PLXNA4: variants seen among roughly 807,000 people sequenced by gnomAD.
PLXNA4 encodes plexin A4, also known as plexin-A4.
In PLXNA4, 44 loss-of-function variants were observed where a neutral mutation model predicts 191.8. That is an observed-to-expected ratio of 0.23 (90% CI 0.18 to 0.29). The LOEUF (loss-of-function observed/expected upper bound fraction) is 0.29, where lower values mean the gene tolerates loss of function less well. PLXNA4 is among the 10% of genes least tolerant of loss of function. PLXNA4 has a pLI of 1.00. For missense variants in PLXNA4, 1,800 were observed against 2,488.8 expected (o/e 0.72, Z 5.89); for synonymous variants, 1,082 against 1,009.5 (o/e 1.07, Z -1.36).
intron 3 of PLXNA4, among the ~76,000 whole-genome samples, chr7:132,440,189 G>A (rs1276055721): frequency 6.6e-6 from 1 of 152,128 alleles, no homozygotes; most frequent in African/African-American, 2.4e-5. Context: ...AGGGAGCCTT[G>A]GTTTACCCTC....
intron 8 of PLXNA4, among the ~76,000 whole-genome samples, chr7:132,223,966 A>G (rs1377749624): frequency 6.6e-6 from 1 of 152,162 alleles, no homozygotes; most frequent in African/African-American, 2.4e-5. Flanking sequence ...GCTTGTGTAG[A>G]CAGACCTAAG....
At chr7:132,407,922 C>T (rs1165254741) in intron 3 of PLXNA4, among the ~76,000 whole-genome samples, 1 of 151,994 alleles carries the variant, frequency 6.6e-6, no homozygotes, top group Non-Finnish European at 1.5e-5. Flanking sequence ...TGGAACAATA[C>T]TTTTGGAAAA....
At chr7:132,646,148 T>C (rs1326888179) in intron 1 of PLXNA4, 1 of 152,482 alleles carries the variant, frequency 6.6e-6, no homozygotes, top group Non-Finnish European at 1.5e-5. Context: ...TCACCTCCTT[T>C]CATCAGGCCA....
intron 20 of PLXNA4, among the ~76,000 whole-genome samples, chr7:132,177,177 G>C (rs999169795): frequency 1.2e-4 from 17 of 143,690 alleles, no homozygotes; most frequent in African/African-American, 3.7e-4. Flanking sequence ...ACGAGTGAGT[G>C]TATGTGAGTG....
chr7:132,429,131 T>C (rs277475), intron 3 of PLXNA4, among the ~76,000 whole-genome samples: 4,386 of 152,212 alleles, frequency 0.029, 127 homozygotes, highest in African/African-American at 0.083. Flanking sequence ...TTCAAGATCA[T>C]GCAGCCCAAA....
intron 4 of PLXNA4, among the ~76,000 whole-genome samples, chr7:132,247,419 G>T (rs1799097995): frequency 6.6e-6 from 1 of 152,152 alleles, no homozygotes; most frequent in African/African-American, 2.4e-5. Flanking sequence ...AAGAAAAAAA[G>T]AGGCAAGATG....
At chr7:132,146,425 C>T in intron 28 of PLXNA4, 85 bp downstream of exon 28, 1 of 1,610,018 alleles carries the variant, frequency 6.2e-7, no homozygotes, top group Non-Finnish European at 8.5e-7. Flanking sequence ...ATGCTGGGTA[C>T]TGGCTACTCT....
chr7:132,384,698 C>G, intron 3 of PLXNA4: 1 of 1,008,006 alleles, frequency 9.9e-7, no homozygotes, highest in Non-Finnish European at 1.2e-6. Context: ...TGGGCTCCAT[C>G]CTCTCTGCCC....
intron 3 of PLXNA4, among the ~76,000 whole-genome samples, chr7:132,305,006 C>T (rs911368119): frequency 3.3e-5 from 5 of 152,210 alleles, no homozygotes; most frequent in African/African-American, 1.2e-4. Flanking sequence ...TCTTCCCACA[C>T]TCTGGGCAAA....
chr7:132,575,379 G>C lies in PLXNA4; in HGVS notation c.-87+1043C>G, dbSNP rs375031820. Among the ~76,000 whole-genome samples the C allele has an allele frequency of 4.3e-4, 66 of 152,340 alleles. No homozygotes were observed. In the South Asian group the frequency reaches 5.2e-3, roughly 12 times the overall value. On this transcript the variant is annotated intron_variant, in intron 1 of 31. Transcript: ENST00000321063. Reference sequence around the variant, plus strand: ...GCTTGGGCTCTGGGGGACGCTGGCAGACCCACGAATGCCTTGCCTTCTCCG... The same window carrying C: ...GCTTGGGCTCTGGGGGACGCTGGCACACCCACGAATGCCTTGCCTTCTCCG...
chr7:132,520,847 T>A (rs1799145217), intron 1 of PLXNA4, among the ~76,000 whole-genome samples: 1 of 152,024 alleles, frequency 6.6e-6, no homozygotes, highest in Admixed American at 6.5e-5. Flanking sequence ...AAGCCCATAA[T>A]CCCACCAAAC....
intron 3 of PLXNA4, among the ~76,000 whole-genome samples, chr7:132,438,645 G>A (rs1244141999): frequency 1.3e-5 from 2 of 152,178 alleles, no homozygotes; most frequent in African/African-American, 4.8e-5. Flanking sequence ...GACTATGGGA[G>A]TATTCTATTT....
At chr7:132,456,592 A>T (rs1796324069) in intron 3 of PLXNA4, among the ~76,000 whole-genome samples, 1 of 152,134 alleles carries the variant, frequency 6.6e-6, no homozygotes, top group Non-Finnish European at 1.5e-5. Context: ...AACCATGCCC[A>T]GATAAGTGTG....
At chr7:132,266,655 C>T (rs978890715) in intron 4 of PLXNA4, among the ~76,000 whole-genome samples, 1 of 152,168 alleles carries the variant, frequency 6.6e-6, no homozygotes, top group Non-Finnish European at 1.5e-5. Flanking sequence ...GAGTCACCTG[C>T]CCACAGAGGT....
chr7:132,560,020 G>GCCAA (rs1800968865), intron 1 of PLXNA4, among the ~76,000 whole-genome samples: 1 of 152,176 alleles, frequency 6.6e-6, no homozygotes. Flanking sequence ...CCTGGACCAA[G>GCCAA]CCAACCCTAT....
chr7:132,562,026 TCC>T (rs1278238409), intron 1 of PLXNA4, among the ~76,000 whole-genome samples: 76 of 96,722 alleles, frequency 7.9e-4, no homozygotes, highest in Admixed American at 4.1e-3. Context: ...CTCCTCCTCC[TCC>T]TTCTCCTCCT....
intron 1 of PLXNA4, among the ~76,000 whole-genome samples, chr7:132,575,772 C>T (rs897721916): frequency 1.3e-5 from 2 of 152,340 alleles, no homozygotes; most frequent in African/African-American, 4.8e-5. Context: ...CCCGGGGAAG[C>T]AGTGCCACGC....
intron 1 of PLXNA4, among the ~76,000 whole-genome samples, chr7:132,541,942 G>A (rs938958228): frequency 2.6e-5 from 4 of 152,166 alleles, no homozygotes; most frequent in African/African-American, 2.4e-5. Context: ...AACCAGATGC[G>A]AATCACTTCC....
intron 3 of PLXNA4, chr7:132,384,070 C>G: frequency 1.0e-6 from 1 of 985,464 alleles, no homozygotes; most frequent in Non-Finnish European, 1.2e-6. Context: ...CTCACTAAAT[C>G]TCCAGCTTTG....
Sources: gnomAD v4.1 joint callset for allele counts (sites outside exome capture counted in the v4.1 genomes callset) on GRCh38, gnomAD v4.1.1 for gene constraint, MANE v1.5 for transcripts, NCBI Gene and HGNC (gene_info 2026-07-23, HGNC 2026-07-21) for gene names.